Variants in C1orf21 observed in about 807,000 individuals in gnomAD.
C1orf21 encodes uncharacterized protein C1orf21.
Under a neutral mutation model 18.7 loss-of-function variants are expected in C1orf21, and 3 were observed. That is an observed-to-expected ratio of 0.16 (90% CI 0.07 to 0.42). The LOEUF (loss-of-function observed/expected upper bound fraction) is 0.42, where lower values mean the gene tolerates loss of function less well. C1orf21 is among the 10% of genes least tolerant of loss of function. The pLI is 0.99. For synonymous variants in C1orf21, 41 were observed against 46.4 expected (o/e 0.88, Z 0.47); for missense variants, 104 against 143.6 (o/e 0.72, Z 1.41).
At chr1:184,486,685 T>C (rs956401191) in intron 2 of C1orf21, among the ~76,000 whole-genome samples, 2 of 152,204 alleles carry the variant, frequency 1.3e-5, no homozygotes, top group African/African-American at 2.4e-5. Flanking sequence ...AGAAATGCTC[T>C]ATACTTTCTA....
At position 184,623,279 on chromosome 1, in the gene C1orf21, G is replaced by C. The variant is rs1250895722; in HGVS notation, c.*3723G>C. Reference sequence around the variant, plus strand: ...AAGAAAATACTGAGTTGGAATCTTAGACTTCGGGACTCTGACACGTTCTTT... The same window carrying C: ...AAGAAAATACTGAGTTGGAATCTTACACTTCGGGACTCTGACACGTTCTTT... On this transcript the variant is annotated 3_prime_UTR_variant, in exon 6 of 6. Coordinates refer to ENST00000235307, the MANE Select transcript of C1orf21 (RefSeq NM_030806.4). 6.6e-6 allele frequency: 1 copy of C among 152,160 alleles called. No homozygotes were observed. The highest frequency in any genetic ancestry group is 1.9e-4 in the East Asian group (1 of 5,200). The allele number at this position is 152,160 out of a possible 1,614,324, so 9.4% of individuals were successfully genotyped here. A position where few individuals can be genotyped will look rare whatever the true frequency, so the allele number is the denominator to read the frequency against.
intron 1 of C1orf21, among the ~76,000 whole-genome samples, chr1:184,459,100 C>G (rs776940477): frequency 3.9e-5 from 6 of 152,162 alleles, no homozygotes; most frequent in Non-Finnish European, 7.3e-5. Context: ...TGATCCCTGT[C>G]TGGGGAACAC....
chr1:184,457,073 A>G (rs1018039214), intron 1 of C1orf21, among the ~76,000 whole-genome samples: 1 of 152,194 alleles, frequency 6.6e-6, no homozygotes, highest in African/African-American at 2.4e-5. Flanking sequence ...TATAATTATG[A>G]TAATAGTGCC....
chr1:184,420,370 T>G (rs768670560), intron 1 of C1orf21, among the ~76,000 whole-genome samples: 2 of 152,186 alleles, frequency 1.3e-5, no homozygotes, highest in Non-Finnish European at 2.9e-5. Flanking sequence ...TGGGATTTCA[T>G]TACGTTGGCT....
At chr1:184,520,640 G>A (rs1353986700) in intron 3 of C1orf21, among the ~76,000 whole-genome samples, 1 of 152,136 alleles carries the variant, frequency 6.6e-6, no homozygotes, top group East Asian at 1.9e-4. Context: ...GCCATCTAGT[G>A]AGACAAAGTA....
chr1:184,410,644 TATATATATATATATATATA>T lies in C1orf21; in HGVS notation c.-125+23277_-125+23295del, dbSNP rs1419700240. 9.5e-3 allele frequency among the ~76,000 whole-genome samples: 49 copies of T among 5,172 alleles called. 6 individuals are homozygous for T. Among genetic ancestry groups the T allele is most frequent in the Admixed American group, 0.05 (21 of 418 alleles). 3.4% of individuals were successfully genotyped at this position (5,172 alleles called of 152,430 possible). A position where few individuals can be genotyped will look rare whatever the true frequency, so the allele number is the denominator to read the frequency against. On this transcript the variant is annotated intron_variant, in intron 1 of 5. Transcript: ENST00000235307. ...ATATATATATATATATATATATATA[TATATATATATATATATATA>T]TTTTTTTTTTTTTTTTTTGAGATGG...
intron 1 of C1orf21, among the ~76,000 whole-genome samples, chr1:184,396,829 C>T (rs1296590760): frequency 6.6e-6 from 1 of 152,114 alleles, no homozygotes; most frequent in African/African-American, 2.4e-5. Flanking sequence ...TAATAACATC[C>T]CCCCACCGCC....
intron 3 of C1orf21, among the ~76,000 whole-genome samples, chr1:184,515,521 T>A (rs1316670891): frequency 6.6e-6 from 1 of 152,180 alleles, no homozygotes; most frequent in East Asian, 1.9e-4. Flanking sequence ...ATATAAATGA[T>A]TTAAAAGTAT....
intron 3 of C1orf21, among the ~76,000 whole-genome samples, chr1:184,545,052 G>C (rs942259112): frequency 1.3e-5 from 2 of 152,210 alleles, no homozygotes; most frequent in Non-Finnish European, 2.9e-5. Context: ...CATTATTTCT[G>C]CTGTAGATTA....
intron 3 of C1orf21, among the ~76,000 whole-genome samples, chr1:184,549,286 T>C (rs1245647468): frequency 6.6e-6 from 1 of 152,220 alleles, no homozygotes; most frequent in Admixed American, 6.5e-5. Flanking sequence ...GATGACTTCT[T>C]CTTCCTCTGG....
intron 5 of C1orf21, among the ~76,000 whole-genome samples, chr1:184,615,960 C>G (rs1659816457): frequency 6.6e-6 from 1 of 152,158 alleles, no homozygotes; most frequent in South Asian, 2.1e-4. Context: ...AATCTTCTCA[C>G]TACTTTGAAA....
Position 184,487,490 on chromosome 1 carries a change from G to A in C1orf21, c.94+9887G>A, listed in dbSNP as rs145017254. Among the ~76,000 whole-genome samples the A allele has an allele frequency of 2.5e-3, 380 of 152,318 alleles. 3 individuals carry two copies. The highest frequency in any genetic ancestry group is 8.7e-3 in the African/African-American group (362 of 41,582). On this transcript the variant is annotated intron_variant, in intron 2 of 5. Transcript: ENST00000235307. ...AGTTCACTTAAGAAGTGGGACGGTG[G>A]CTACAATGGCAGATGCTGACTCGAC...
intron 5 of C1orf21, among the ~76,000 whole-genome samples, chr1:184,618,566 A>C (rs903501992): frequency 6.6e-6 from 1 of 152,210 alleles, no homozygotes; most frequent in Non-Finnish European, 1.5e-5. Flanking sequence ...AAATAGTTAT[A>C]TGCAAAATTA....
At chr1:184,459,935 C>T (rs1036224832) in intron 1 of C1orf21, among the ~76,000 whole-genome samples, 16 of 152,236 alleles carry the variant, frequency 1.1e-4, no homozygotes, top group African/African-American at 1.9e-4. Context: ...TTCCTCTGGC[C>T]GCTTCCAGTC....
intron 3 of C1orf21, among the ~76,000 whole-genome samples, chr1:184,557,215 C>A (rs1043899053): frequency 1.3e-5 from 2 of 151,968 alleles, no homozygotes; most frequent in African/African-American, 4.8e-5. Flanking sequence ...GTTTAGTTAG[C>A]CTGAGAAGCT....
intron 2 of C1orf21, among the ~76,000 whole-genome samples, chr1:184,502,437 C>T (rs751666568): frequency 5.9e-5 from 9 of 152,202 alleles, no homozygotes; most frequent in East Asian, 1.9e-4. Flanking sequence ...TTGGAGGGAA[C>T]GTCAACATTC....
chr1:184,565,477 T>C (rs929141674), intron 3 of C1orf21, among the ~76,000 whole-genome samples: 1 of 152,238 alleles, frequency 6.6e-6, no homozygotes, highest in African/African-American at 2.4e-5. Context: ...CCTGGTTCTC[T>C]AGACCTCACC....
intron 1 of C1orf21, among the ~76,000 whole-genome samples, chr1:184,401,135 G>A (rs947952321): frequency 6.6e-6 from 1 of 152,026 alleles, no homozygotes; most frequent in African/African-American, 2.4e-5. Context: ...CTAGGGGTTT[G>A]CATTTCTTTT....
intron 3 of C1orf21, among the ~76,000 whole-genome samples, chr1:184,579,618 C>T (rs1394483055): frequency 7.5e-5 from 11 of 146,430 alleles, no homozygotes; most frequent in African/African-American, 2.7e-4. Flanking sequence ...TCAAGTGATT[C>T]TCCTGCCTCA....
Sources: allele counts gnomAD v4.1 joint callset (sites outside exome capture counted in the v4.1 genomes callset), GRCh38; gene constraint gnomAD v4.1.1; transcripts MANE v1.5; gene names NCBI Gene and HGNC (gene_info 2026-07-23, HGNC 2026-07-21).